Variants in RASSF5 observed in about 807,000 individuals in gnomAD.
RASSF5 encodes ras association domain-containing protein 5.
RASSF5 carries 25 observed loss-of-function variants against 40.5 expected under a neutral mutation model. That is an observed-to-expected ratio of 0.62 (90% CI 0.45 to 0.86). RASSF5 has a LOEUF of 0.86. RASSF5 is among the 40% of genes least tolerant of loss of function. The probability of loss-of-function intolerance (pLI) is 0.00; values close to 1 mark genes in which losing one functional copy is unlikely to be tolerated. For synonymous variants in RASSF5, 246 were observed against 252.4 expected (o/e 0.97, Z 0.24); for missense variants, 521 against 572.8 (o/e 0.91, Z 0.92).
At chr1:206,554,401 A>G (rs1294723378) in intron 2 of RASSF5, among the ~76,000 whole-genome samples, 1 of 152,216 alleles carries the variant, frequency 6.6e-6, no homozygotes, top group Non-Finnish European at 1.5e-5. Context: ...ATTGTATCTG[A>G]GAAAGGAAAA....
chr1:206,558,579 A>G (rs1272571412), intron 2 of RASSF5, among the ~76,000 whole-genome samples: 1 of 152,188 alleles, frequency 6.6e-6, no homozygotes, highest in African/African-American at 2.4e-5. Context: ...CAGCAGTGCT[A>G]CACCAATTCA....
At chr1:206,549,451 G>A (rs1422943882) in intron 2 of RASSF5, among the ~76,000 whole-genome samples, 1 of 152,060 alleles carries the variant, frequency 6.6e-6, no homozygotes, top group African/African-American at 2.4e-5. Context: ...CAGAATTAGT[G>A]TCTTTGACCA....
intron 1 of RASSF5, among the ~76,000 whole-genome samples, chr1:206,508,991 C>A (rs1252118001): frequency 6.6e-6 from 1 of 152,182 alleles, no homozygotes; most frequent in Non-Finnish European, 1.5e-5. Context: ...CACCCCCACC[C>A]CGGCATTTGC....
chr1:206,533,405 A>G lies in RASSF5; in HGVS notation c.458-4767A>G, dbSNP rs572232843. Among the ~76,000 whole-genome samples the G allele has an allele frequency of 1.2e-4, 18 of 152,298 alleles. No homozygotes were observed. In the East Asian group the frequency reaches 3.5e-3, roughly 29 times the overall value. ...GGGCTCTGTGCTCCTAATATGGCCCAGGGAGGGTCCGTGTTGTGGATTGAA... is the reference window on the plus strand; with the variant it reads ...GGGCTCTGTGCTCCTAATATGGCCCGGGGAGGGTCCGTGTTGTGGATTGAA... On this transcript the variant is annotated intron_variant, in intron 1 of 5. Transcript: ENST00000579436.
chr1:206,586,828 G>A lies in RASSF5; in HGVS notation c.1107G>A (p.Trp369Ter). 6.2e-7 allele frequency: 1 copy of A among 1,613,158 alleles called. No individual in the cohort carries two copies. The highest frequency in any genetic ancestry group is 8.5e-7 in the Non-Finnish European group (1 of 1,179,498). The change falls in exon 6 of 6, where the codon TGG (tryptophan) becomes TGA (stop). Residue 369 changes from tryptophan (W) to a stop codon, truncating the protein, a stop_gained and splice_region_variant. Transcript: ENST00000579436. LOFTEE classifies it high-confidence loss of function. ...CAAATCTCCCTCTCGCCTCACAGTG[G>A]GATGCCTTCTCCATCCCTGAACTTC... is the stretch of plus-strand genomic sequence containing the variant. ...LKENETGEVE[W>*]DAFSIPELQN...
In RASSF5 at chr1:206,507,597, C is replaced by A; in HGVS notation, c.-6C>A. 2.7e-6 allele frequency: 4 copies of A among 1,497,366 alleles called. No individual in the cohort carries two copies. Among genetic ancestry groups the A allele is most frequent in the Non-Finnish European group, 3.5e-6 (4 of 1,130,596 alleles). 92.8% of individuals were successfully genotyped at this position (1,497,366 alleles called of 1,614,324 possible). A position where few individuals can be genotyped will look rare whatever the true frequency, so the allele number is the denominator to read the frequency against. ...CCGCTGCCAAAGCTGCCGCCACTAGCCGGGCATGGCCATGGCGTCCCCGGC... is the reference window on the plus strand; with the variant it reads ...CCGCTGCCAAAGCTGCCGCCACTAGACGGGCATGGCCATGGCGTCCCCGGC... On this transcript the variant is annotated 5_prime_UTR_variant, in exon 1 of 6. Coordinates refer to ENST00000579436, the MANE Select transcript of RASSF5 (RefSeq NM_182663.4).
Position 206,560,722 on chromosome 1 carries a change from C to T in RASSF5, c.579+22429C>T, listed in dbSNP as rs1259722108. 6.6e-6 allele frequency among the ~76,000 whole-genome samples: 1 copy of T among 152,172 alleles called. No homozygotes were observed. The highest frequency in any genetic ancestry group is 2.4e-5 in the African/African-American group (1 of 41,416). On this transcript the variant is annotated intron_variant, in intron 2 of 5. Transcript: ENST00000579436. The surrounding 1 kb of genome is among the most constrained non-coding windows in gnomAD (Gnocchi z 5.1). ...GGTCTCAGTAAGACCATCATAGTTA[C>T]CTCAATCTAAGGTGTTGCCTAGATG...
chr1:206,571,697 G>A (rs1309384377), intron 2 of RASSF5, among the ~76,000 whole-genome samples: 1 of 152,196 alleles, frequency 6.6e-6, no homozygotes, highest in East Asian at 1.9e-4. Flanking sequence ...AGTTCCAGGG[G>A]CAGGAGGCCA....
chr1:206,512,739 C>T (rs952541586), intron 1 of RASSF5, among the ~76,000 whole-genome samples: 3 of 152,196 alleles, frequency 2.0e-5, no homozygotes, highest in Admixed American at 6.5e-5. Flanking sequence ...AGGGAGCTAC[C>T]TCCTGTGAAG....
At chr1:206,562,654 C>T (rs782766828) in intron 2 of RASSF5, among the ~76,000 whole-genome samples, 21 of 152,154 alleles carry the variant, frequency 1.4e-4, no homozygotes, top group African/African-American at 3.9e-4. Flanking sequence ...CAGTATTGGC[C>T]GGGCGTGGTG....
At chr1:206,530,068 A>G (rs1553397754) in intron 1 of RASSF5, among the ~76,000 whole-genome samples, 1 of 152,226 alleles carries the variant, frequency 6.6e-6, no homozygotes, top group African/African-American at 2.4e-5. Context: ...CAGTGTGGGT[A>G]CGTGATTTTT....
At chr1:206,575,117 G>C (rs1293993584) in intron 2 of RASSF5, among the ~76,000 whole-genome samples, 1 of 151,936 alleles carries the variant, frequency 6.6e-6, no homozygotes, top group East Asian at 1.9e-4. Context: ...AATGCGGTTT[G>C]GACATTGAGC....
chr1:206,519,061 A>G (rs1212949132), intron 1 of RASSF5, among the ~76,000 whole-genome samples: 1 of 152,132 alleles, frequency 6.6e-6, no homozygotes, highest in Non-Finnish European at 1.5e-5. Context: ...CACAGCTGAC[A>G]GGAGTCCCGG....
intron 2 of RASSF5, among the ~76,000 whole-genome samples, chr1:206,576,894 T>G (rs1295276470): frequency 6.6e-6 from 1 of 152,060 alleles, no homozygotes; most frequent in Non-Finnish European, 1.5e-5. Flanking sequence ...CTTGAACTCC[T>G]GGGGGCTCAG....
At chr1:206,542,720 T>G (rs1156985987) in intron 2 of RASSF5, 1 of 152,210 alleles carries the variant, frequency 6.6e-6, no homozygotes, top group Non-Finnish European at 1.5e-5. Context: ...TGTCTACTAT[T>G]TACTTAACAT....
chr1:206,535,516 C>T lies in RASSF5; in HGVS notation c.458-2656C>T, dbSNP rs929701832. ...AGCCCTGGGCTTGGCATTTCCAGGA[C>T]GAGGAAGTATGAAGATGTGCTTCAG... is the stretch of plus-strand genomic sequence containing the variant. On this transcript the variant is annotated intron_variant, in intron 1 of 5. Transcript: ENST00000579436. The surrounding 1 kb of genome is among the most constrained non-coding windows in gnomAD (Gnocchi z 5.0). Among the ~76,000 whole-genome samples, 7 of 152,066 alleles carry T rather than the reference C, an allele frequency of 4.6e-5. No individual in the cohort carries two copies. The highest frequency in any genetic ancestry group is 4.1e-4 in the South Asian group (2 of 4,824).
intron 2 of RASSF5, among the ~76,000 whole-genome samples, chr1:206,582,485 A>G (rs541800225): frequency 6.6e-6 from 1 of 152,152 alleles, no homozygotes; most frequent in Non-Finnish European, 1.5e-5. Context: ...GTAATAAACT[A>G]TCTTACAGAC....
intron 1 of RASSF5, among the ~76,000 whole-genome samples, chr1:206,532,030 C>CA (rs1270446660): frequency 1.3e-5 from 2 of 150,088 alleles, no homozygotes; most frequent in Non-Finnish European, 2.9e-5. Context: ...CTAGCCTGGG[C>CA]AACAGGGTGA....
At chr1:206,526,055 CT>C (rs1461299969) in intron 1 of RASSF5, among the ~76,000 whole-genome samples, 3 of 152,174 alleles carry the variant, frequency 2.0e-5, no homozygotes, top group African/African-American at 7.2e-5. Flanking sequence ...CCAACCCACT[CT>C]TTTACATGGG....
Sources: allele counts gnomAD v4.1 joint callset (sites outside exome capture counted in the v4.1 genomes callset), GRCh38; gene constraint gnomAD v4.1.1; non-coding constraint Gnocchi (gnomAD v3.1); transcripts MANE v1.5; gene names NCBI Gene and HGNC (gene_info 2026-07-23, HGNC 2026-07-21).